The following NRDC variants were observed in gnomAD, a reference collection of about 807,000 sequenced individuals.
The protein encoded by NRDC is nardilysin.
Under a neutral mutation model 147.1 loss-of-function variants are expected in NRDC, and 54 were observed. The observed-to-expected ratio is 0.37, with a 90% CI of 0.29 to 0.46. The LOEUF is 0.46. NRDC is among the 20% of genes least tolerant of loss of function. The pLI is 1.00. For missense variants in NRDC, 1,082 were observed against 1,370.6 expected (o/e 0.79, Z 3.33); for synonymous variants, 440 against 482.1 (o/e 0.91, Z 1.14).
intron 3 of NRDC, 37 bp downstream of exon 3, chr1:51,836,094 A>C (rs1034491528): frequency 6.4e-7 from 1 of 1,555,142 alleles, no homozygotes. Context: ...GAGGGGGGAA[A>C]AAAACACACC....
intron 1 of NRDC, among the ~76,000 whole-genome samples, chr1:51,858,555 A>C (rs951123962): frequency 6.6e-5 from 10 of 152,168 alleles, no homozygotes; most frequent in African/African-American, 2.4e-4. Flanking sequence ...TTTGGCATAA[A>C]CACTATCCTG....
At chr1:51,794,715 A>G (rs1678812810) in intron 23 of NRDC, 105 bp from the exon 24 acceptor site, 1 of 1,584,670 alleles carries the variant, frequency 6.3e-7, no homozygotes, top group Non-Finnish European at 8.6e-7. Flanking sequence ...AAAATCTACT[A>G]CAAGTAGTAT....
Position 51,878,313 on chromosome 1 carries a change from A to G in NRDC, c.303T>C (p.Pro101=), listed in dbSNP as rs1307353623. Residue 101 remains proline, a synonymous_variant, in exon 1 of 31, where the codon CCT becomes CCC. Transcript: ENST00000352171. ...RRGSLSNAGD[P]EIVKSPSDPK... ...GGTCGCTGGGAGACTTGACGATCTCAGGGTCCCCAGCATTACTGAGAGACC... is the reference window on the plus strand; with the variant it reads ...GGTCGCTGGGAGACTTGACGATCTCGGGGTCCCCAGCATTACTGAGAGACC... The G allele has an allele frequency of 6.8e-6, 11 of 1,613,816 alleles. No individual in the cohort carries two copies. Among genetic ancestry groups the G allele is most frequent in the Non-Finnish European group, 9.3e-6 (11 of 1,179,934 alleles).
chr1:51,870,556 C>T (rs947393593), intron 1 of NRDC, among the ~76,000 whole-genome samples: 25 of 152,114 alleles, frequency 1.6e-4, no homozygotes, highest in African/African-American at 5.8e-4. Flanking sequence ...CTTAGAGTTC[C>T]CCAGAGGACC....
intron 1 of NRDC, among the ~76,000 whole-genome samples, chr1:51,872,428 CCGGTG>C (rs1308068241): frequency 1.3e-5 from 2 of 152,098 alleles, no homozygotes; most frequent in African/African-American, 4.8e-5. Context: ...TCAGTCAGGC[CCGGTG>C]CAGTGGCTCA....
At chr1:51,822,871 C>T (rs1680269281) in intron 7 of NRDC, among the ~76,000 whole-genome samples, 1 of 152,042 alleles carries the variant, frequency 6.6e-6, no homozygotes, top group Non-Finnish European at 1.5e-5. Context: ...CATCTAAGAG[C>T]CAAGTCAGAT....
rs1464434728 is a variant in NRDC at position 51,790,979 on chromosome 1, A to G, written c.2972T>C (p.Val991Ala). 5 of 1,611,774 alleles carry G rather than the reference A, an allele frequency of 3.1e-6. No individual in the cohort carries two copies. Among genetic ancestry groups the G allele is most frequent in the Non-Finnish European group, 4.2e-6 (5 of 1,178,362 alleles). Residue 991 changes from valine (V) to alanine (A), a missense_variant, in exon 28 of 31, where the codon GTT (valine) becomes GCT (alanine). Val to Ala is a moderately conservative substitution (Grantham distance 64). Coordinates refer to ENST00000352171, the MANE Select transcript of NRDC (RefSeq NM_001101662.2). ...AAGAAACTCTTCTATCTTCTTATCA[A>G]CAACTTCAGAACTGAAACAAAACAT... is the stretch of plus-strand genomic sequence containing the variant. Reference protein sequence around the residue: ...TQATKYNSEVVDKKIEEFLSS... With the variant: ...TQATKYNSEVADKKIEEFLSS...
intron 1 of NRDC, among the ~76,000 whole-genome samples, chr1:51,873,471 T>C (rs1248885759): frequency 6.7e-6 from 1 of 148,216 alleles, no homozygotes; most frequent in Non-Finnish European, 1.5e-5. Flanking sequence ...TTCTATAATA[T>C]ATGGAATTTT....
intron 1 of NRDC, among the ~76,000 whole-genome samples, chr1:51,852,575 GTTTT>G (rs371891090): frequency 8.2e-3 from 9 of 1,092 alleles, no homozygotes; most frequent in Non-Finnish European, 0.034. Flanking sequence ...TATATTTATA[GTTTT>G]TTTAATAGTT....
At chr1:51,821,377 G>A in intron 8 of NRDC, 121 bp downstream of exon 8, 1 of 576,764 alleles carries the variant, frequency 1.7e-6, no homozygotes, top group Non-Finnish European at 3.1e-6. Flanking sequence ...CATTAAGTTT[G>A]TTTAGGTCTT....
intron 1 of NRDC, among the ~76,000 whole-genome samples, chr1:51,855,332 G>T (rs1238863259): frequency 6.6e-6 from 1 of 152,096 alleles, no homozygotes; most frequent in Non-Finnish European, 1.5e-5. Flanking sequence ...AAACCTCAGT[G>T]TGGTTATGTC....
At chr1:51,860,090 G>T (rs1682455142) in intron 1 of NRDC, 2 of 174,146 alleles carry the variant, frequency 1.1e-5, no homozygotes, top group South Asian at 1.3e-4. Context: ...TAAATTAACT[G>T]ATGGATTTAT....
chr1:51,827,780 A>G lies in NRDC; in HGVS notation c.940+16T>C. On this transcript the variant is annotated intron_variant, in intron 5 of 30. Coordinates refer to ENST00000352171, the MANE Select transcript of NRDC (RefSeq NM_001101662.2). ...GAAGGAAAAAACTGTAGTTACACAT[A>G]AAGTACTCCTCTTACCACTATCAAC... 3 of 1,606,566 alleles carry G rather than the reference A, an allele frequency of 1.9e-6. No individual in the cohort carries two copies. The highest frequency in any genetic ancestry group is 2.6e-6 in the Non-Finnish European group (3 of 1,173,368).
intron 1 of NRDC, among the ~76,000 whole-genome samples, chr1:51,851,705 A>C (rs1285546954): frequency 6.6e-6 from 1 of 152,192 alleles, no homozygotes; most frequent in Admixed American, 6.5e-5. Flanking sequence ...TACAAAAAAA[A>C]GTTATTTTCT....
At chr1:51,792,155 TTCTC>T in intron 25 of NRDC, 57 bp from the exon 26 acceptor site, 1 of 1,604,730 alleles carries the variant, frequency 6.2e-7, no homozygotes, top group South Asian at 1.1e-5. Flanking sequence ...AAACCTCCAT[TTCTC>T]TCCCCAGAGT....
At chr1:51,866,663 C>T (rs1682824754) in intron 1 of NRDC, among the ~76,000 whole-genome samples, 1 of 149,402 alleles carries the variant, frequency 6.7e-6, no homozygotes, top group South Asian at 2.1e-4. Context: ...CACTTATTGA[C>T]ATGGATAAAT....
intron 1 of NRDC, among the ~76,000 whole-genome samples, chr1:51,867,824 C>G (rs888643397): frequency 2.0e-5 from 3 of 152,132 alleles, no homozygotes; most frequent in Non-Finnish European, 4.4e-5. Context: ...ACTGCAAGTA[C>G]AGATAACTCA....
chr1:51,828,556 T>C (rs1680555325), intron 4 of NRDC, among the ~76,000 whole-genome samples: 2 of 152,242 alleles, frequency 1.3e-5, no homozygotes, highest in South Asian at 2.1e-4. Flanking sequence ...TTTAATTATA[T>C]AAACTGTGAT....
At chr1:51,862,057 G>T (rs994522100) in intron 1 of NRDC, 1 of 152,120 alleles carries the variant, frequency 6.6e-6, no homozygotes, top group African/African-American at 2.4e-5. Flanking sequence ...TTATTAGAAT[G>T]AGTTATCATA....
Sources: gnomAD v4.1 joint callset for allele counts (sites outside exome capture counted in the v4.1 genomes callset) on GRCh38, gnomAD v4.1.1 for gene constraint, MANE v1.5 for transcripts, NCBI Gene and HGNC (gene_info 2026-07-23, HGNC 2026-07-21) for gene names.